The following KLHL26 variants were observed in gnomAD, a reference collection of about 807,000 sequenced individuals.
KLHL26 encodes kelch like family member 26.
KLHL26 carries 4 observed loss-of-function variants against 7.1 expected under a neutral mutation model. The ratio of observed to expected loss-of-function variants is 0.56; its 90% confidence interval spans 0.28 to 1.28. The LOEUF is 1.28. Among genes scored for constraint, KLHL26 ranks in the 50% most tolerant of loss-of-function variants. The pLI is 0.11. For synonymous variants in KLHL26, 465 were observed against 414.1 expected, an observed-to-expected ratio of 1.12 and a Z score of -1.49; for missense variants, 896 against 924.6, an observed-to-expected ratio of 0.97 and a Z score of 0.40.
At chr19:18,655,327 C>G (rs2052318746) in intron 1 of KLHL26, among the ~76,000 whole-genome samples, 1 of 152,230 alleles carries the variant, frequency 6.6e-6, no homozygotes, top group East Asian at 1.9e-4. Context: ...CTGTCTCAGC[C>G]CTCTGAGCCT....
At chr19:18,653,911 CTCA>C (rs2052294305) in intron 1 of KLHL26, among the ~76,000 whole-genome samples, 1 of 100,984 alleles carries the variant, frequency 9.9e-6, no homozygotes, top group Non-Finnish European at 2.0e-5. Flanking sequence ...CTTCCATCCA[CTCA>C]CCATCCACCT....
intron 1 of KLHL26, among the ~76,000 whole-genome samples, chr19:18,642,338 A>AGTTGTGT (rs1362401503): frequency 9.7e-5 from 12 of 123,886 alleles, no homozygotes; most frequent in African/African-American, 3.3e-4. Context: ...CTAGTCACCT[A>AGTTGTGT]GTGTGTGTGT....
intron 1 of KLHL26, among the ~76,000 whole-genome samples, chr19:18,642,525 T>C (rs111336089): frequency 0.14 from 20,540 of 151,450 alleles, 1,419 homozygotes; most frequent in Non-Finnish European, 0.15. Context: ...CCACCAAGCC[T>C]GGCTAATTTT....
At chr19:18,664,170 G>T (rs1403311623) in intron 1 of KLHL26, 91 bp from the exon 2 acceptor site, 2 of 1,231,142 alleles carry the variant, frequency 1.6e-6, no homozygotes, top group Non-Finnish European at 2.2e-6. Context: ...GCGGCCTTTT[G>T]TGTCTGGCTT....
intron 1 of KLHL26, among the ~76,000 whole-genome samples, chr19:18,639,892 T>C (rs1976683532): frequency 6.6e-6 from 1 of 152,132 alleles, no homozygotes; most frequent in African/African-American, 2.4e-5. Flanking sequence ...TTGCCTTTTC[T>C]AGAAATTTCG....
At position 18,656,747 on chromosome 19, in the gene KLHL26, C is replaced by A. The variant is rs536668108; in HGVS notation, c.84-7514C>A. Among the ~76,000 whole-genome samples the A allele has an allele frequency of 2.4e-3, 370 of 151,484 alleles. 6 individuals are homozygous for A. Among genetic ancestry groups the A allele is most frequent in the African/African-American group, 8.0e-3 (331 of 41,234 alleles). On this transcript the variant is annotated intron_variant, in intron 1 of 2. Coordinates refer to ENST00000300976, the MANE Select transcript of KLHL26 (RefSeq NM_018316.3). This position sits in a 1 kb window ranked among gnomAD's most constrained non-coding sequence, Gnocchi z 4.4. Reference sequence around the variant, plus strand: ...TGAGGGTGGGTGGGTGGGGAGGCCGCGAGGTTAGGGTGGCTCTGACCCTGC... The same window carrying A: ...TGAGGGTGGGTGGGTGGGGAGGCCGAGAGGTTAGGGTGGCTCTGACCCTGC...
Position 18,646,620 on chromosome 19 carries a change from G to A in KLHL26, c.83+9483G>A, listed in dbSNP as rs564188430. On this transcript the variant is annotated intron_variant, in intron 1 of 2. Transcript: ENST00000300976. The surrounding 1 kb of genome is among the most constrained non-coding windows in gnomAD (Gnocchi z 5.0). ...GCTCCAGGCCCACCAGGTGGGGGGT[G>A]TCTGGGAGGAAACGAGTGGGGAGAG... 5.3e-5 allele frequency among the ~76,000 whole-genome samples: 8 copies of A among 152,330 alleles called. No individual in the cohort carries two copies. The South Asian group carries it at 8.3e-4, about 16-fold the overall frequency.
chr19:18,657,621 T>C (rs1246165468), intron 1 of KLHL26, among the ~76,000 whole-genome samples: 1 of 152,224 alleles, frequency 6.6e-6, no homozygotes, highest in Non-Finnish European at 1.5e-5. Flanking sequence ...TGTCAGTGGC[T>C]GAGTGTCCTG....
At chr19:18,651,850 C>T (rs113350312) in intron 1 of KLHL26, among the ~76,000 whole-genome samples, 2 of 152,258 alleles carry the variant, frequency 1.3e-5, no homozygotes, top group African/African-American at 4.8e-5. Context: ...AAGGGATTTG[C>T]TCATTCAAGT....
At chr19:18,654,077 A>G (rs1161557044) in intron 1 of KLHL26, among the ~76,000 whole-genome samples, 1 of 102,438 alleles carries the variant, frequency 9.8e-6, no homozygotes, top group Non-Finnish European at 2.0e-5. Context: ...CCAGCCATCC[A>G]CCCACCCTTT....
chr19:18,664,484 G>C (rs960307438), intron 2 of KLHL26, 41 bp downstream of exon 2: 1 of 1,501,322 alleles, frequency 6.7e-7, no homozygotes, highest in Non-Finnish European at 8.9e-7. Flanking sequence ...GCGGCTGCCT[G>C]TTGGGACAGG....
At chr19:18,641,601 G>A (rs1434481792) in intron 1 of KLHL26, among the ~76,000 whole-genome samples, 3 of 146,746 alleles carry the variant, frequency 2.0e-5, no homozygotes, top group East Asian at 2.0e-4. Context: ...TTAGAGGCAT[G>A]AGCCACCACA....
In KLHL26 at chr19:18,648,273, G is replaced by A. The variant is rs1212084370; in HGVS notation, c.83+11136G>A. On this transcript the variant is annotated intron_variant, in intron 1 of 2. Transcript: ENST00000300976. The surrounding 1 kb of genome is among the most constrained non-coding windows in gnomAD (Gnocchi z 4.9). ...TAGTCCCAGCTGCTCTGGAGGCTGA[G>A]GCACGAGAGTCGATTGAACCCAGGA... 6.6e-6 allele frequency among the ~76,000 whole-genome samples: 1 copy of A among 152,200 alleles called. No homozygotes were observed. The highest frequency in any genetic ancestry group is 2.4e-5 in the African/African-American group (1 of 41,454).
Position 18,669,317 on chromosome 19 carries a change from C to A in KLHL26, c.*72C>A. 1 of 1,241,874 alleles carries A rather than the reference C, an allele frequency of 8.1e-7. No homozygotes were observed. Among genetic ancestry groups the A allele is most frequent in the Non-Finnish European group, 1.1e-6 (1 of 878,444 alleles). The allele number at this position is 1,241,874 out of a possible 1,614,324, so 76.9% of individuals were successfully genotyped here. A position where few individuals can be genotyped will look rare whatever the true frequency, so the allele number is the denominator to read the frequency against. Reference sequence around the variant, plus strand: ...GTGGGGCTTGGCGAATGCACGTCTGCCTGAGAACCCCAGTGCCCCCCTTCG... The same window carrying A: ...GTGGGGCTTGGCGAATGCACGTCTGACTGAGAACCCCAGTGCCCCCCTTCG... On this transcript the variant is annotated 3_prime_UTR_variant, in exon 3 of 3. Transcript: ENST00000300976.
At chr19:18,651,784 C>T (rs917134084) in intron 1 of KLHL26, among the ~76,000 whole-genome samples, 2 of 152,262 alleles carry the variant, frequency 1.3e-5, no homozygotes, top group Non-Finnish European at 1.5e-5. Context: ...ACTGGGTTTC[C>T]AAGCGGTGCT....
At chr19:18,662,259 C>T (rs2052398928) in intron 1 of KLHL26, among the ~76,000 whole-genome samples, 1 of 152,142 alleles carries the variant, frequency 6.6e-6, no homozygotes, top group African/African-American at 2.4e-5. Context: ...TAAGGAAAAA[C>T]CAGACCAAAA....
At chr19:18,651,873 C>T (rs999612780) in intron 1 of KLHL26, among the ~76,000 whole-genome samples, 4 of 152,226 alleles carry the variant, frequency 2.6e-5, no homozygotes, top group Non-Finnish European at 4.4e-5. Context: ...TCCCTGCTGC[C>T]GGCCCAATGC....
chr19:18,669,335 C>G lies in KLHL26; in HGVS notation c.*90C>G. 9.5e-7 allele frequency: 1 copy of G among 1,048,716 alleles called. No individual in the cohort carries two copies. The highest frequency in any genetic ancestry group is 1.4e-6 in the Non-Finnish European group (1 of 711,974). The allele number at this position is 1,048,716 out of a possible 1,614,324, so 65.0% of individuals were successfully genotyped here. A position where few individuals can be genotyped will look rare whatever the true frequency, so the allele number is the denominator to read the frequency against. On this transcript the variant is annotated 3_prime_UTR_variant, in exon 3 of 3. Coordinates refer to ENST00000300976, the MANE Select transcript of KLHL26 (RefSeq NM_018316.3). ...ACGTCTGCCTGAGAACCCCAGTGCC[C>G]CCCTTCGCCCGGGCTGCCCTTGAGG...
intron 2 of KLHL26, 41 bp from the exon 3 acceptor site, chr19:18,667,623 C>T (rs772158921): frequency 1.3e-6 from 2 of 1,575,392 alleles, no homozygotes; most frequent in Non-Finnish European, 8.6e-7. Flanking sequence ...CAAAACACCC[C>T]TCAGCCACTG....
Sources: allele counts gnomAD v4.1 joint callset (sites outside exome capture counted in the v4.1 genomes callset), GRCh38; gene constraint gnomAD v4.1.1; non-coding constraint Gnocchi (gnomAD v3.1); transcripts MANE v1.5; gene names NCBI Gene and HGNC (gene_info 2026-07-23, HGNC 2026-07-21).